Variants in GTF2I observed in about 807,000 individuals in gnomAD.
The protein encoded by GTF2I is general transcription factor IIi.
In GTF2I, 12 loss-of-function variants were observed where a neutral mutation model predicts 67.6. The observed-to-expected ratio is 0.18, with a 90% confidence interval of 0.11 to 0.29. The LOEUF (loss-of-function observed/expected upper bound fraction) is 0.29. GTF2I is among the 10% of genes least tolerant of loss of function. The pLI is 1.00. For missense variants in GTF2I, 271 were observed against 580.1 expected (o/e 0.47, Z 5.47); for synonymous variants, 149 against 197.0 (o/e 0.76, Z 2.04).
Position 74,698,961 on chromosome 7 carries a change from G to T in GTF2I, c.239G>T (p.Cys80Phe). 7.6e-7 allele frequency: 1 copy of T among 1,318,786 alleles called. No homozygotes were observed. The allele number at this position is 1,318,786 out of a possible 1,614,324, so 81.7% of individuals were successfully genotyped here. ...ATTTTATTTTTTATTTTTTTTACAG[G>T]TGTTGAAGAAGAAGAAAAAGCTGCA... is the stretch of plus-strand genomic sequence containing the variant. The part of the protein sequence containing the change: ...KDFQKDFVKY[C>F]VEEEEKAAEM... The change falls in exon 4 of 35, where the codon TGT becomes TTT. Residue 80 changes from cysteine (C) to phenylalanine (F), a missense_variant and splice_region_variant. Physicochemically the swap from Cys to Phe is radical, Grantham distance 205 (BLOSUM62 -2). This residue lies in a region of GTF2I where 72 missense variants were observed against 87.4 expected (regional missense o/e 0.82). Transcript: ENST00000573035.
intron 7 of GTF2I, 54 bp downstream of exon 7, chr7:74,705,272 G>A: frequency 1.9e-6 from 2 of 1,047,344 alleles, no homozygotes; most frequent in Non-Finnish European, 3.0e-6. Context: ...AAAAGTTTTA[G>A]TTGTTAGATA....
chr7:74,710,192 T>C (rs1286449454), intron 8 of GTF2I, among the ~76,000 whole-genome samples: 2 of 152,240 alleles, frequency 1.3e-5, no homozygotes, highest in African/African-American at 4.8e-5. Flanking sequence ...CTTTGAGCTC[T>C]TTCTCTAGAG....
At chr7:74,681,440 TAAAAAAAAAGAAAAAAAG>T (rs1562945663) in intron 1 of GTF2I, among the ~76,000 whole-genome samples, 1 of 140,580 alleles carries the variant, frequency 7.1e-6, no homozygotes, top group Non-Finnish European at 1.6e-5. Flanking sequence ...GTCTCAAAAA[TAAAAAAAAAGAAAAAAAG>T]AAAAAAAAAT....
At chr7:74,677,781 C>CAAAAAAAAAAAAAA (rs67938540) in intron 1 of GTF2I, among the ~76,000 whole-genome samples, 4 of 72,164 alleles carry the variant, frequency 5.5e-5, no homozygotes, top group Admixed American at 2.0e-4. Context: ...GATTCTGTCT[C>CAAAAAAAAAAAAAA]AAAAAAAAAA....
chr7:74,667,953 C>T (rs192568988), intron 1 of GTF2I, among the ~76,000 whole-genome samples: 113 of 151,322 alleles, frequency 7.5e-4, no homozygotes, highest in African/African-American at 2.6e-3. Flanking sequence ...TCTGCCTCAG[C>T]CTCTCAAGTA....
chr7:74,662,106 TAC>T (rs1804549238), intron 1 of GTF2I, among the ~76,000 whole-genome samples: 1 of 151,082 alleles, frequency 6.6e-6, no homozygotes. Flanking sequence ...CAAATATGAC[TAC>T]AGAGACTGAC....
intron 1 of GTF2I, among the ~76,000 whole-genome samples, chr7:74,672,560 C>A (rs937629147): frequency 2.9e-4 from 44 of 149,782 alleles, no homozygotes; most frequent in African/African-American, 5.4e-4. Flanking sequence ...AACAAACAAA[C>A]AAAAAAAAAC....
chr7:74,671,525 G>A lies in GTF2I; in HGVS notation c.-6+13457G>A, dbSNP rs202209517. Among the ~76,000 whole-genome samples, 14 of 150,508 alleles carry A rather than the reference G, an allele frequency of 9.3e-5. No homozygotes were observed. The East Asian group carries it at 2.3e-3, about 25-fold the overall frequency. ...CACCATACTATAAAGCTTTAAGTACGAATACAACACAGTTGTAAATCGTTT... is the reference window on the plus strand; with the variant it reads ...CACCATACTATAAAGCTTTAAGTACAAATACAACACAGTTGTAAATCGTTT... On this transcript the variant is annotated intron_variant, in intron 1 of 34. Coordinates refer to ENST00000573035, the MANE Select transcript of GTF2I (RefSeq NM_032999.4).
chr7:74,700,497 G>A (rs966175842), intron 5 of GTF2I, 67 bp downstream of exon 5: 12 of 1,598,788 alleles, frequency 7.5e-6, no homozygotes, highest in Non-Finnish European at 9.4e-6. Context: ...TTTAGCTTAC[G>A]TTAATGTATT....
chr7:74,697,876 C>A (rs973783343), intron 3 of GTF2I, among the ~76,000 whole-genome samples: 1 of 152,222 alleles, frequency 6.6e-6, no homozygotes, highest in Admixed American at 6.5e-5. Context: ...TCAAGCAATT[C>A]TCCTGCCTCA....
intron 9 of GTF2I, among the ~76,000 whole-genome samples, chr7:74,714,206 T>TG (rs1207839796): frequency 3.3e-4 from 50 of 152,166 alleles, no homozygotes; most frequent in African/African-American, 1.2e-3. Flanking sequence ...AACATGTAAA[T>TG]GTGTTGTCAA....
rs587610762 is a variant in GTF2I at position 74,731,964 on chromosome 7, C to T, written c.1121-515C>T. ...GACACAGTGCCTTGCCACGTCTCTTCTCCTGTCTGAGTCTTAGTATCCTCT... is the reference window on the plus strand; with the variant it reads ...GACACAGTGCCTTGCCACGTCTCTTTTCCTGTCTGAGTCTTAGTATCCTCT... On this transcript the variant is annotated intron_variant, in intron 14 of 34. Coordinates refer to ENST00000573035, the MANE Select transcript of GTF2I (RefSeq NM_032999.4). Among the ~76,000 whole-genome samples the T allele has an allele frequency of 5.3e-5, 8 of 151,310 alleles. No individual in the cohort carries two copies. In the South Asian group the frequency reaches 1.7e-3, roughly 31 times the overall value.
chr7:74,702,309 C>G (rs2131349000), intron 6 of GTF2I, among the ~76,000 whole-genome samples: 1 of 152,104 alleles, frequency 6.6e-6, no homozygotes. Context: ...CTCACTGCAA[C>G]CTCCGCCTCG....
intron 12 of GTF2I, chr7:74,722,822 T>C (rs1584279540): frequency 6.6e-6 from 1 of 152,326 alleles, no homozygotes; most frequent in East Asian, 1.9e-4. Context: ...GGAAAACTTC[T>C]GTGTTTTTTA....
At chr7:74,700,786 G>A in intron 6 of GTF2I, 152 bp downstream of exon 6, 2 of 810,252 alleles carry the variant, frequency 2.5e-6, no homozygotes, top group South Asian at 1.5e-5. Context: ...TCCACAAAAG[G>A]TTCATTGAGC....
intron 3 of GTF2I, among the ~76,000 whole-genome samples, chr7:74,694,941 C>G (rs587642925): frequency 2.0e-5 from 3 of 152,122 alleles, no homozygotes; most frequent in African/African-American, 7.2e-5. Context: ...TGCCTGTGCT[C>G]TATTGATAGA....
chr7:74,707,314 G>T (rs1554401672), intron 8 of GTF2I, among the ~76,000 whole-genome samples: 2 of 152,200 alleles, frequency 1.3e-5, no homozygotes, highest in East Asian at 3.9e-4. Flanking sequence ...TCCTTAGTGG[G>T]CTGTCACCGC....
chr7:74,747,707 G>T (rs1425033620), intron 23 of GTF2I, among the ~76,000 whole-genome samples: 2 of 42,600 alleles, frequency 4.7e-5, no homozygotes, highest in Admixed American at 3.5e-4. Context: ...CAAGACAATC[G>T]CTTGAAACCA....
intron 26 of GTF2I, among the ~76,000 whole-genome samples, chr7:74,750,431 C>G (rs2131574996): frequency 2.4e-5 from 2 of 83,456 alleles, no homozygotes; most frequent in East Asian, 3.0e-3. Context: ...GACTCTGTCT[C>G]AAAAAAAATT....
Sources: allele counts gnomAD v4.1 joint callset (sites outside exome capture counted in the v4.1 genomes callset), GRCh38; gene constraint gnomAD v4.1.1; regional missense constraint gnomAD v4.1.1; transcripts MANE v1.5; gene names NCBI Gene and HGNC (gene_info 2026-07-23, HGNC 2026-07-21).